Variants in ARB2A observed in about 807,000 individuals in gnomAD.
The protein encoded by ARB2A is cotranscriptional regulator ARB2A.
the ARB2A span, among the ~76,000 whole-genome samples, chr5:93,730,871 T>G: frequency 6.6e-6 from 1 of 152,166 alleles, no homozygotes; most frequent in Non-Finnish European, 1.5e-5. Context: ...TACAGATAAA[T>G]AAGAAGTTAC....
chr5:93,872,775 G>A, the ARB2A span, among the ~76,000 whole-genome samples: 1 of 152,088 alleles, frequency 6.6e-6, no homozygotes, highest in Non-Finnish European at 1.5e-5. Flanking sequence ...AAATTAGCCA[G>A]GCACGGTGGC....
chr5:93,706,428 A>G, the ARB2A span, among the ~76,000 whole-genome samples: 1 of 152,188 alleles, frequency 6.6e-6, no homozygotes, highest in Admixed American at 6.5e-5. Context: ...TTATGGGTCT[A>G]AAGTTTCTTT....
chr5:93,741,493 G>C, the ARB2A span: 1 of 1,612,026 alleles, frequency 6.2e-7, no homozygotes, highest in East Asian at 2.2e-5. Context: ...CAGGGGCATC[G>C]GCCCTCTGGG....
At chr5:94,086,335 T>G in the ARB2A span, among the ~76,000 whole-genome samples, 2 of 152,178 alleles carry the variant, frequency 1.3e-5, no homozygotes, top group Admixed American at 6.5e-5. Context: ...ATTAAGACAG[T>G]GGCCCCATAG....
the ARB2A span, among the ~76,000 whole-genome samples, chr5:93,854,814 T>C: frequency 6.6e-6 from 1 of 152,188 alleles, no homozygotes; most frequent in Non-Finnish European, 1.5e-5. Context: ...TGCACTGTGG[T>C]CTGAGAGACA....
chr5:93,768,325 C>G, the ARB2A span, among the ~76,000 whole-genome samples: 1 of 151,506 alleles, frequency 6.6e-6, no homozygotes, highest in Non-Finnish European at 1.5e-5. Context: ...CCAAATACTA[C>G]CTGTACCCCA....
chr5:94,110,051 A>AT, the ARB2A span, among the ~76,000 whole-genome samples: 58 of 151,792 alleles, frequency 3.8e-4, 1 homozygote, highest in African/African-American at 1.4e-3. Flanking sequence ...CACCCAGCTA[A>AT]TTTTTTTGTA....
chr5:93,699,306 C>T, the ARB2A span, among the ~76,000 whole-genome samples: 12 of 152,118 alleles, frequency 7.9e-5, no homozygotes, highest in African/African-American at 1.7e-4. Context: ...TTTCTAGCTG[C>T]GTATAGGTAA....
the ARB2A span, among the ~76,000 whole-genome samples, chr5:93,785,912 T>C: frequency 1.3e-5 from 2 of 152,160 alleles, no homozygotes; most frequent in Non-Finnish European, 2.9e-5. Context: ...TAGATTATCA[T>C]TGGATCACAT....
At chr5:93,908,191 T>C in the ARB2A span, among the ~76,000 whole-genome samples, 1 of 151,106 alleles carries the variant, frequency 6.6e-6, no homozygotes, top group Non-Finnish European at 1.5e-5. Flanking sequence ...TTAAATTGCA[T>C]AAGAAAATAG....
the ARB2A span, among the ~76,000 whole-genome samples, chr5:93,843,106 G>T: frequency 6.6e-6 from 1 of 152,170 alleles, no homozygotes; most frequent in African/African-American, 2.4e-5. Context: ...ATATAGATGG[G>T]TGGGAGTGTG....
the ARB2A span, among the ~76,000 whole-genome samples, chr5:93,814,340 AT>A: frequency 6.6e-6 from 1 of 152,194 alleles, no homozygotes. Context: ...TAAAAAAAGA[AT>A]TCTAAGGTTG....
chr5:93,805,499 C>T, the ARB2A span: 115 of 985,006 alleles, frequency 1.2e-4, no homozygotes, highest in Non-Finnish European at 1.4e-4. Context: ...AGAAGGTGTT[C>T]TTCCAGTGTA....
the ARB2A span, among the ~76,000 whole-genome samples, chr5:93,917,975 T>C: frequency 6.6e-6 from 1 of 152,194 alleles, no homozygotes; most frequent in Non-Finnish European, 1.5e-5. Flanking sequence ...TTTTCAAGAC[T>C]CAGCCCTCAA....
chr5:93,716,693 C>CAAAAAAAAAA, the ARB2A span, among the ~76,000 whole-genome samples: 2 of 36,688 alleles, frequency 5.5e-5, no homozygotes, highest in African/African-American at 7.9e-5. Flanking sequence ...ATAAGCTGTG[C>CAAAAAAAAAA]AAAAAAAAAA....
the ARB2A span, among the ~76,000 whole-genome samples, chr5:93,814,759 A>G: frequency 6.6e-6 from 1 of 152,198 alleles, no homozygotes; most frequent in Non-Finnish European, 1.5e-5. Context: ...TGAATCAGTA[A>G]TTATCTTTAA....
At chr5:93,776,155 A>G in the ARB2A span, 1 of 1,602,982 alleles carries the variant, frequency 6.2e-7, no homozygotes, top group Non-Finnish European at 8.5e-7. Context: ...CATCAAACAC[A>G]TACCTGCTGA....
chr5:93,898,706 AAT>A, the ARB2A span, among the ~76,000 whole-genome samples: 1 of 152,120 alleles, frequency 6.6e-6, no homozygotes, highest in East Asian at 1.9e-4. Flanking sequence ...ATACACAAAA[AAT>A]GATATGATTG....
the ARB2A span, among the ~76,000 whole-genome samples, chr5:94,028,393 A>C: frequency 6.6e-6 from 1 of 152,174 alleles, no homozygotes; most frequent in Non-Finnish European, 1.5e-5. Context: ...CAAAATATTA[A>C]CTGACATACC....
Sources: allele counts gnomAD v4.1 joint callset (sites outside exome capture counted in the v4.1 genomes callset), GRCh38; gene constraint gnomAD v4.1.1; transcripts MANE v1.5; gene names NCBI Gene and HGNC (gene_info 2026-07-23, HGNC 2026-07-21).